The following MAP3K5 variants were observed in gnomAD, a reference collection of about 807,000 sequenced individuals.
MAP3K5 encodes the protein ASK-1.
MAP3K5 carries 56 observed loss-of-function variants against 158.7 expected under a neutral mutation model. The ratio of observed to expected loss-of-function variants is 0.35; its 90% CI spans 0.28 to 0.44. The LOEUF is 0.44. Among genes scored for constraint, MAP3K5 ranks in the 20% least tolerant of loss-of-function variants. The pLI, the probability that MAP3K5 is intolerant of heterozygous loss-of-function variation, is 1.00. For missense variants in MAP3K5, 1,294 were observed against 1,674.8 expected, an observed-to-expected ratio of 0.77 and a Z score of 3.97; for synonymous variants, 579 against 601.7, an observed-to-expected ratio of 0.96 and a Z score of 0.55.
intron 20 of MAP3K5, 139 bp from the exon 21 acceptor site, chr6:136,601,181 T>A: frequency 4.2e-6 from 3 of 713,202 alleles, no homozygotes; most frequent in Admixed American, 5.6e-5. Flanking sequence ...TCCTCCAATA[T>A]AAACATCAAA....
chr6:136,573,360 T>C (rs1774456574), intron 25 of MAP3K5, among the ~76,000 whole-genome samples: 1 of 152,234 alleles, frequency 6.6e-6, no homozygotes, highest in Non-Finnish European at 1.5e-5. Context: ...TCAGACTGAT[T>C]ATACCACCAG....
Position 136,592,446 on chromosome 6 carries a change from A to G in MAP3K5, c.3047T>C (p.Leu1016Pro). The change falls in exon 22 of 30, where the codon CTC (leucine) becomes CCC (proline). Residue 1016 changes from leucine to proline, a missense_variant. Coordinates refer to ENST00000359015, the MANE Select transcript of MAP3K5 (RefSeq NM_005923.4). ...GERDVKGIRTLFLGIPDENFE... is the reference protein window; with the variant it reads ...GERDVKGIRTPFLGIPDENFE... ...TAAGTCAGGTCTTTACCCCAAAAAG[A>G]GTGTCCGAATTCCCTTGACATCTCT... 6.2e-7 allele frequency: 1 copy of G among 1,614,002 alleles called. No homozygotes were observed. The highest frequency in any genetic ancestry group is 1.1e-5 in the South Asian group (1 of 91,062).
intron 28 of MAP3K5, among the ~76,000 whole-genome samples, chr6:136,560,889 G>A (rs1375018623): frequency 6.6e-6 from 1 of 151,362 alleles, no homozygotes; most frequent in Non-Finnish European, 1.5e-5. Context: ...CAAGGCTGCA[G>A]GGAGCTATGA....
At chr6:136,621,211 T>C (rs923709911) in intron 15 of MAP3K5, among the ~76,000 whole-genome samples, 3 of 152,146 alleles carry the variant, frequency 2.0e-5, no homozygotes, top group African/African-American at 4.8e-5. Context: ...CTGTGCCCAG[T>C]CTACTAATAA....
intron 1 of MAP3K5, among the ~76,000 whole-genome samples, chr6:136,779,926 C>T (rs1784549056): frequency 6.6e-6 from 1 of 152,188 alleles, no homozygotes; most frequent in Non-Finnish European, 1.5e-5. Flanking sequence ...CCTCTCAGGG[C>T]AAACGGCTTC....
chr6:136,710,529 A>G lies in MAP3K5; in HGVS notation c.589-5396T>C, dbSNP rs115468827. The stretch of plus-strand genomic sequence containing the variant: ...CTAGTCCAAGGCTCATTTGAAGGCA[A>G]AGACTAACTTTTGATAGCTCTCTGG... On this transcript the variant is annotated intron_variant, in intron 2 of 29. Coordinates refer to ENST00000359015, the MANE Select transcript of MAP3K5 (RefSeq NM_005923.4). 7.1e-3 allele frequency among the ~76,000 whole-genome samples: 1,085 copies of G among 152,316 alleles called. 10 individuals carry two copies. The highest frequency in any genetic ancestry group is 0.025 in the African/African-American group (1,048 of 41,566).
chr6:136,685,403 A>G (rs1224950425), intron 7 of MAP3K5, among the ~76,000 whole-genome samples: 1 of 152,144 alleles, frequency 6.6e-6, no homozygotes, highest in Non-Finnish European at 1.5e-5. Flanking sequence ...AGCTATCGGA[A>G]AATAGATCAC....
intron 1 of MAP3K5, among the ~76,000 whole-genome samples, chr6:136,734,495 G>A (rs1367088642): frequency 2.7e-5 from 4 of 150,516 alleles, no homozygotes; most frequent in Non-Finnish European, 2.9e-5. Context: ...GTATCGCCAC[G>A]GCAAACTATT....
At chr6:136,622,740 T>A in intron 15 of MAP3K5, 108 bp downstream of exon 15, 1 of 1,218,752 alleles carries the variant, frequency 8.2e-7, no homozygotes, top group Non-Finnish European at 1.2e-6. Context: ...ATTCACAGAG[T>A]GAAGTTTTCA....
At position 136,562,677 on chromosome 6, in the gene MAP3K5, T is replaced by G. The variant is rs140821895; in HGVS notation, c.3762-62A>C. On this transcript the variant is annotated intron_variant, in intron 26 of 29. Coordinates refer to ENST00000359015, the MANE Select transcript of MAP3K5 (RefSeq NM_005923.4). ...CACAGGGTGACCTTCTTTTTTTTATTTTTATTTTTTTAGATACAAGGTCTC... is the reference window on the plus strand; with the variant it reads ...CACAGGGTGACCTTCTTTTTTTTATGTTTATTTTTTTAGATACAAGGTCTC... 1.8e-3 allele frequency: 1,453 copies of G among 829,738 alleles called. 25 individuals are homozygous for G. In the African/African-American group the frequency reaches 0.023, roughly 13 times the overall value. The allele number at this position is 829,738 out of a possible 1,614,324, so 51.4% of individuals were successfully genotyped here. A position where few individuals can be genotyped will look rare whatever the true frequency, so the allele number is the denominator to read the frequency against.
At chr6:136,564,192 C>G (rs968706936) in intron 26 of MAP3K5, among the ~76,000 whole-genome samples, 3 of 152,184 alleles carry the variant, frequency 2.0e-5, no homozygotes, top group African/African-American at 7.2e-5. Context: ...TGGAAAAGAG[C>G]CTTTCCAGGA....
chr6:136,715,746 G>C (rs749457142), intron 2 of MAP3K5, among the ~76,000 whole-genome samples: 4 of 151,994 alleles, frequency 2.6e-5, no homozygotes, highest in African/African-American at 4.8e-5. Flanking sequence ...AATGATTATA[G>C]CTGGCTGGGC....
chr6:136,644,286 G>A (rs1778134864), intron 11 of MAP3K5, among the ~76,000 whole-genome samples: 1 of 152,188 alleles, frequency 6.6e-6, no homozygotes, highest in Non-Finnish European at 1.5e-5. Context: ...TGAGATGGAA[G>A]GTGGAAGGAG....
At chr6:136,654,609 G>A (rs781516971) in intron 10 of MAP3K5, among the ~76,000 whole-genome samples, 1 of 152,026 alleles carries the variant, frequency 6.6e-6, no homozygotes, top group African/African-American at 2.4e-5. Flanking sequence ...ACCATGCCTG[G>A]CTAATTTTGT....
intron 1 of MAP3K5, among the ~76,000 whole-genome samples, chr6:136,755,449 G>A (rs1375712301): frequency 6.6e-6 from 1 of 152,194 alleles, no homozygotes; most frequent in East Asian, 1.9e-4. Flanking sequence ...GCTCATGCCT[G>A]TAGTCCTAGC....
chr6:136,787,132 G>T (rs1784885019), intron 1 of MAP3K5, among the ~76,000 whole-genome samples: 1 of 152,180 alleles, frequency 6.6e-6, no homozygotes, highest in Non-Finnish European at 1.5e-5. Context: ...GGAGGCAGAG[G>T]CAGGAGGATA....
At chr6:136,595,984 G>A (rs543117050) in intron 21 of MAP3K5, among the ~76,000 whole-genome samples, 80 of 152,150 alleles carry the variant, frequency 5.3e-4, no homozygotes, top group Non-Finnish European at 1.0e-3. Flanking sequence ...CACTCCAGCC[G>A]CCAGCAAGAC....
intron 2 of MAP3K5, among the ~76,000 whole-genome samples, chr6:136,718,775 A>C (rs181402785): frequency 1.5e-3 from 232 of 152,338 alleles, no homozygotes; most frequent in Middle Eastern, 0.014. Context: ...TTCCCTAGGA[A>C]AGAATGGGCA....
intron 7 of MAP3K5, among the ~76,000 whole-genome samples, chr6:136,669,884 G>GGTGT (rs60778677): frequency 0.052 from 7,519 of 144,440 alleles, 200 homozygotes; most frequent in South Asian, 0.063. Flanking sequence ...CATCATTCAG[G>GGTGT]GTGTGTGTGT....
Sources: allele counts gnomAD v4.1 joint callset (sites outside exome capture counted in the v4.1 genomes callset), GRCh38; gene constraint gnomAD v4.1.1; transcripts MANE v1.5; gene names NCBI Gene and HGNC (gene_info 2026-07-23, HGNC 2026-07-21).